The following UHRF2 variants were observed in gnomAD, a reference collection of about 807,000 sequenced individuals.
UHRF2 encodes the protein E3 ubiquitin-protein ligase UHRF2.
Under a neutral mutation model 96.8 loss-of-function variants are expected in UHRF2, and 23 were observed. That is an observed-to-expected ratio of 0.24 (90% CI 0.17 to 0.34). The LOEUF (loss-of-function observed/expected upper bound fraction) is 0.34, where lower values mean the gene tolerates loss of function less well. UHRF2 is among the 10% of genes least tolerant of loss of function. The pLI, the probability that UHRF2 is intolerant of heterozygous loss-of-function variation, is 1.00. For synonymous variants in UHRF2, 385 were observed against 332.6 expected, an observed-to-expected ratio of 1.16 and a Z score of -1.72; for missense variants, 685 against 981.5, an observed-to-expected ratio of 0.70 and a Z score of 4.04.
At chr9:6,453,317 G>C (rs1296689529) in intron 3 of UHRF2, among the ~76,000 whole-genome samples, 1 of 152,140 alleles carries the variant, frequency 6.6e-6, no homozygotes, top group African/African-American at 2.4e-5. Flanking sequence ...GGTTAATGGA[G>C]GTGGTTCTTT....
intron 3 of UHRF2, 109 bp downstream of exon 3, chr9:6,434,282 G>T: frequency 7.5e-7 from 1 of 1,329,044 alleles, no homozygotes; most frequent in African/African-American, 1.5e-5. Context: ...TCCTTTAGAG[G>T]TTATGTTCAT....
At chr9:6,487,732 C>T (rs945263970) in intron 9 of UHRF2, among the ~76,000 whole-genome samples, 1 of 152,212 alleles carries the variant, frequency 6.6e-6, no homozygotes, top group Non-Finnish European at 1.5e-5. Context: ...AAACTCCTGA[C>T]CTCAGATGAT....
At chr9:6,413,860 G>T in intron 1 of UHRF2, 1 of 491,088 alleles carries the variant, frequency 2.0e-6, no homozygotes, top group Non-Finnish European at 3.3e-6. Flanking sequence ...TGCGCCGCGC[G>T]GGGTCAGAAG....
intron 5 of UHRF2, 97 bp from the exon 6 acceptor site, chr9:6,477,525 T>TC (rs71328189): frequency 0.034 from 40,842 of 1,218,532 alleles, 815 homozygotes; most frequent in Middle Eastern, 0.052. Flanking sequence ...AAACTCCATT[T>TC]CAAAAAAAAT....
chr9:6,422,355 C>T (rs750092977), intron 2 of UHRF2, among the ~76,000 whole-genome samples: 1 of 151,732 alleles, frequency 6.6e-6, no homozygotes, highest in Non-Finnish European at 1.5e-5. Context: ...GCTGGGATTA[C>T]AGTTCTGAGT....
chr9:6,442,408 T>C (rs560080359), intron 3 of UHRF2, among the ~76,000 whole-genome samples: 1 of 152,342 alleles, frequency 6.6e-6, no homozygotes, highest in East Asian at 1.9e-4. Flanking sequence ...AATCAATCCA[T>C]AAATTTTCAA....
chr9:6,466,244 T>C (rs1284777147), intron 4 of UHRF2, among the ~76,000 whole-genome samples: 1 of 151,972 alleles, frequency 6.6e-6, no homozygotes, highest in Non-Finnish European at 1.5e-5. Context: ...CTACTAAAAA[T>C]ATAAAAATTA....
intron 3 of UHRF2, among the ~76,000 whole-genome samples, chr9:6,439,092 G>T (rs1431546183): frequency 6.6e-6 from 1 of 152,176 alleles, no homozygotes; most frequent in Non-Finnish European, 1.5e-5. Context: ...AACAGGTTAT[G>T]TTAAGAGATT....
chr9:6,425,093 T>C (rs1446742233), intron 2 of UHRF2, among the ~76,000 whole-genome samples: 2 of 152,230 alleles, frequency 1.3e-5, no homozygotes, highest in East Asian at 1.9e-4. Flanking sequence ...CTTTCCATAC[T>C]GTACTGTTGG....
At chr9:6,440,986 A>G (rs1483368299) in intron 3 of UHRF2, among the ~76,000 whole-genome samples, 4 of 152,150 alleles carry the variant, frequency 2.6e-5, no homozygotes, top group East Asian at 1.9e-4. Flanking sequence ...ATAATTCCCT[A>G]TGATTCTAAT....
At chr9:6,482,455 T>G (rs983381437) in intron 8 of UHRF2, among the ~76,000 whole-genome samples, 5 of 152,228 alleles carry the variant, frequency 3.3e-5, no homozygotes, top group Non-Finnish European at 5.9e-5. Flanking sequence ...TCTAAGCTTG[T>G]TTCAGGTGTT....
At chr9:6,496,400 G>C (rs1432670841) in intron 10 of UHRF2, 1 of 152,148 alleles carries the variant, frequency 6.6e-6, no homozygotes, top group African/African-American at 2.4e-5. Context: ...GGTACAACTA[G>C]GTTCTCCCAA....
chr9:6,462,699 A>G (rs1822618813), intron 4 of UHRF2, among the ~76,000 whole-genome samples: 1 of 151,360 alleles, frequency 6.6e-6, no homozygotes, highest in Non-Finnish European at 1.5e-5. Context: ...TGGGCGGATC[A>G]TGAGGTCAGG....
At chr9:6,440,592 A>C (rs1411824436) in intron 3 of UHRF2, among the ~76,000 whole-genome samples, 1 of 152,208 alleles carries the variant, frequency 6.6e-6, no homozygotes, top group Non-Finnish European at 1.5e-5. Flanking sequence ...CCTGGGATTT[A>C]AAGCAAAAAG....
chr9:6,482,228 G>T, intron 8 of UHRF2, 129 bp downstream of exon 8: 1 of 776,854 alleles, frequency 1.3e-6, no homozygotes. Flanking sequence ...ATATTTTTTA[G>T]GATGGGTGTA....
intron 8 of UHRF2, among the ~76,000 whole-genome samples, chr9:6,485,822 A>C (rs201249107): frequency 0.014 from 2,024 of 148,472 alleles, 19 homozygotes; most frequent in Non-Finnish European, 0.023. Flanking sequence ...AAAAAAAAAA[A>C]AAAAAACAAA....
At chr9:6,503,075 A>G (rs749606036) in intron 14 of UHRF2, among the ~76,000 whole-genome samples, 2 of 152,004 alleles carry the variant, frequency 1.3e-5, no homozygotes, top group Non-Finnish European at 2.9e-5. Flanking sequence ...GCTCACTGCA[A>G]CCTCCACCTC....
chr9:6,417,142 A>G (rs1295952360), intron 1 of UHRF2, among the ~76,000 whole-genome samples: 2 of 152,158 alleles, frequency 1.3e-5, no homozygotes, highest in Non-Finnish European at 2.9e-5. Flanking sequence ...TTGCTTGGGA[A>G]TGACTTCCCA....
At chr9:6,487,182 CTTTTTTTTTTT>C (rs1171978950) in intron 9 of UHRF2, among the ~76,000 whole-genome samples, 5 of 69,588 alleles carry the variant, frequency 7.2e-5, no homozygotes, top group South Asian at 6.7e-4. Context: ...TTTTTTTTTC[CTTTTTTTTTTT>C]TTTTTTTTTT....
Sources: allele counts gnomAD v4.1 joint callset (sites outside exome capture counted in the v4.1 genomes callset), GRCh38; gene constraint gnomAD v4.1.1; transcripts MANE v1.5; gene names NCBI Gene and HGNC (gene_info 2026-07-23, HGNC 2026-07-21).